MNAT1: variants seen among roughly 807,000 people sequenced by gnomAD.
MNAT1 encodes the protein MNAT1 component of CDK activating kinase.
A neutral mutation model predicts 42.0 loss-of-function variants in MNAT1; 43 were observed. The ratio of observed to expected loss-of-function variants is 1.02; its 90% CI spans 0.80 to 1.32. The LOEUF (loss-of-function observed/expected upper bound fraction) is 1.32, where lower values mean the gene tolerates loss of function less well. MNAT1 is among the 40% of genes most tolerant of loss of function. The pLI is 0.00. For missense variants in MNAT1, 306 were observed against 350.4 expected (o/e 0.87, Z 1.01); for synonymous variants, 118 against 120.0 (o/e 0.98, Z 0.11).
intron 6 of MNAT1, among the ~76,000 whole-genome samples, chr14:60,862,703 A>G (rs1432360878): frequency 6.6e-6 from 1 of 152,254 alleles, no homozygotes; most frequent in Non-Finnish European, 1.5e-5. Context: ...ATGGAAAATC[A>G]TAAGAACCTT....
chr14:60,924,757 T>A (rs1279695487), intron 7 of MNAT1, among the ~76,000 whole-genome samples: 2 of 152,106 alleles, frequency 1.3e-5, no homozygotes, highest in Admixed American at 6.5e-5. Context: ...AGGCAGGGAA[T>A]GGGTGAGTGA....
chr14:60,940,912 G>A (rs536349426), intron 7 of MNAT1, among the ~76,000 whole-genome samples: 33 of 152,100 alleles, frequency 2.2e-4, no homozygotes, highest in Non-Finnish European at 4.3e-4. Flanking sequence ...GTTAGAGTGA[G>A]ATTTGAACTT....
intron 7 of MNAT1, among the ~76,000 whole-genome samples, chr14:60,903,865 GTTTTTTT>G (rs35825181): frequency 1.2e-4 from 14 of 115,742 alleles, no homozygotes; most frequent in Admixed American, 5.9e-4. Flanking sequence ...ACCCATGTAA[GTTTTTTT>G]TTTTTTTTTT....
intron 7 of MNAT1, among the ~76,000 whole-genome samples, chr14:60,883,635 A>G (rs567355167): frequency 1.3e-5 from 2 of 152,214 alleles, no homozygotes; most frequent in African/African-American, 4.8e-5. Context: ...GTATTTTGAT[A>G]GAGATTGCAT....
chr14:60,894,952 A>G (rs182499580), intron 7 of MNAT1, among the ~76,000 whole-genome samples: 1 of 152,348 alleles, frequency 6.6e-6, no homozygotes, highest in Admixed American at 6.5e-5. Flanking sequence ...GATAATTAGT[A>G]GTGATATCAG....
In MNAT1 at chr14:60,745,160, G is replaced by T. The variant is rs1391834579; in HGVS notation, c.89+10209G>T. ...TTGCTGGGCCATGGTTATGGCAATT[G>T]TTGCCATATAGAAAGCTGAGGTATT... is the stretch of plus-strand genomic sequence containing the variant. On this transcript the variant is annotated intron_variant, in intron 1 of 7. Transcript: ENST00000261245. Among the ~76,000 whole-genome samples, 4 of 152,142 alleles carry T rather than the reference G, an allele frequency of 2.6e-5. No homozygotes were observed. The East Asian group carries it at 7.7e-4, about 29-fold the overall frequency.
intron 7 of MNAT1, among the ~76,000 whole-genome samples, chr14:60,922,785 G>A (rs542953005): frequency 6.6e-6 from 1 of 152,256 alleles, no homozygotes; most frequent in African/African-American, 2.4e-5. Flanking sequence ...CAAGTTCAAC[G>A]TATAAACTCA....
chr14:60,741,795 G>A (rs936836799), intron 1 of MNAT1, among the ~76,000 whole-genome samples: 10 of 150,868 alleles, frequency 6.6e-5, no homozygotes, highest in Non-Finnish European at 1.0e-4. Context: ...AGAGTGAGCT[G>A]CTGTACCTGG....
chr14:60,895,256 C>G (rs966951757), intron 7 of MNAT1, among the ~76,000 whole-genome samples: 1 of 152,030 alleles, frequency 6.6e-6, no homozygotes, highest in Non-Finnish European at 1.5e-5. Flanking sequence ...TATTGTTTTT[C>G]TTATTACTGT....
At chr14:60,894,239 C>T (rs1303105843) in intron 7 of MNAT1, among the ~76,000 whole-genome samples, 1 of 151,494 alleles carries the variant, frequency 6.6e-6, no homozygotes, top group Non-Finnish European at 1.5e-5. Flanking sequence ...TCCATTGGCA[C>T]CCAATCTTTG....
In MNAT1 at chr14:60,860,206, A is replaced by G. The variant is rs148146056; in HGVS notation, c.688-19508A>G. On this transcript the variant is annotated intron_variant, in intron 6 of 7. Coordinates refer to ENST00000261245, the MANE Select transcript of MNAT1 (RefSeq NM_002431.4). ...AACAGTCTGTAGAGATGTGCAAAATATTCCCTCTCTTCCTGCTTCTCTTCC... is the reference window on the plus strand; with the variant it reads ...AACAGTCTGTAGAGATGTGCAAAATGTTCCCTCTCTTCCTGCTTCTCTTCC... 3.5e-3 allele frequency among the ~76,000 whole-genome samples: 526 copies of G among 152,278 alleles called. 3 individuals are homozygous for G. Among genetic ancestry groups the G allele is most frequent in the African/African-American group, 0.012 (510 of 41,558 alleles).
chr14:60,875,267 A>G (rs1418700176), intron 6 of MNAT1, among the ~76,000 whole-genome samples: 1 of 152,136 alleles, frequency 6.6e-6, no homozygotes, highest in Admixed American at 6.6e-5. Context: ...TATTATTTAA[A>G]AATAGGATAT....
chr14:60,799,004 A>G (rs2032113720), intron 3 of MNAT1, among the ~76,000 whole-genome samples: 1 of 152,210 alleles, frequency 6.6e-6, no homozygotes, highest in South Asian at 2.1e-4. Flanking sequence ...TTTATATATG[A>G]TAAACTTAAC....
intron 7 of MNAT1, among the ~76,000 whole-genome samples, chr14:60,906,364 A>G (rs2139515293): frequency 6.6e-6 from 1 of 152,288 alleles, no homozygotes; most frequent in South Asian, 2.1e-4. Context: ...AAGTTGCCAT[A>G]ATATTACTTT....
intron 4 of MNAT1, among the ~76,000 whole-genome samples, chr14:60,811,212 T>G (rs1397155313): frequency 6.6e-6 from 1 of 152,060 alleles, no homozygotes; most frequent in East Asian, 1.9e-4. Context: ...TTATATTCTG[T>G]TGATGATCAC....
intron 1 of MNAT1, among the ~76,000 whole-genome samples, chr14:60,735,198 T>C (rs1381989319): frequency 1.3e-5 from 2 of 152,210 alleles, no homozygotes; most frequent in Non-Finnish European, 2.9e-5. Flanking sequence ...CCCCCTTCCA[T>C]AGCCAATGAG....
intron 3 of MNAT1, among the ~76,000 whole-genome samples, chr14:60,805,865 T>G (rs1255347165): frequency 6.6e-6 from 1 of 152,230 alleles, no homozygotes; most frequent in Non-Finnish European, 1.5e-5. Context: ...TGTGTGAACA[T>G]GTGTTTTCAA....
At chr14:60,806,021 C>T (rs2032357814) in intron 3 of MNAT1, among the ~76,000 whole-genome samples, 2 of 152,120 alleles carry the variant, frequency 1.3e-5, no homozygotes, top group Admixed American at 1.3e-4. Flanking sequence ...CCTGTTGCTC[C>T]AGATCTGCAC....
chr14:60,860,334 G>GACTTTT (rs1031589145), intron 6 of MNAT1, among the ~76,000 whole-genome samples: 20 of 145,514 alleles, frequency 1.4e-4, no homozygotes, highest in Middle Eastern at 3.5e-3. Context: ...GTAAAACTGA[G>GACTTTT]ACTTTTTTCT....
Sources: gnomAD v4.1 joint callset for allele counts (sites outside exome capture counted in the v4.1 genomes callset) on GRCh38, gnomAD v4.1.1 for gene constraint, MANE v1.5 for transcripts, NCBI Gene and HGNC (gene_info 2026-07-23, HGNC 2026-07-21) for gene names.